NECTIN3: variants seen among roughly 807,000 people sequenced by gnomAD.
NECTIN3 encodes nectin-3.
In NECTIN3, 8 loss-of-function variants were observed where a neutral mutation model predicts 49.4. That is an observed-to-expected ratio of 0.16 (90% CI 0.10 to 0.29). The LOEUF is 0.29. Ranked by LOEUF, NECTIN3 falls within the 10% of genes least tolerant of loss-of-function variation. The probability of loss-of-function intolerance (pLI) is 1.00; values close to 1 mark genes in which losing one functional copy is unlikely to be tolerated. For synonymous variants in NECTIN3, 277 were observed against 241.1 expected (o/e 1.15, Z -1.38); for missense variants, 581 against 654.6 (o/e 0.89, Z 1.23).
chr3:111,155,789 C>T (rs189682636), intron 7 of NECTIN3, among the ~76,000 whole-genome samples: 7 of 152,156 alleles, frequency 4.6e-5, no homozygotes, highest in Admixed American at 4.6e-4. Context: ...ATTAAGGCTG[C>T]CCTAAATGGA....
At chr3:111,111,538 C>G (rs968403661) in intron 1 of NECTIN3, among the ~76,000 whole-genome samples, 1 of 152,154 alleles carries the variant, frequency 6.6e-6, no homozygotes, top group Non-Finnish European at 1.5e-5. Flanking sequence ...AAATTTACCC[C>G]AAAACATAAT....
intron 6 of NECTIN3, among the ~76,000 whole-genome samples, chr3:111,147,087 T>C (rs1172054108): frequency 6.6e-6 from 1 of 152,184 alleles, no homozygotes; most frequent in Admixed American, 6.5e-5. Flanking sequence ...TTGATAGACA[T>C]AGTCAAATAT....
At chr3:111,080,681 A>G (rs2031539319) in intron 1 of NECTIN3, among the ~76,000 whole-genome samples, 1 of 146,468 alleles carries the variant, frequency 6.8e-6, no homozygotes, top group African/African-American at 2.5e-5. Context: ...TGTCATGCAA[A>G]AAAAAAAAAA....
At chr3:111,179,622 C>A (rs1370119604) in intron 7 of NECTIN3, among the ~76,000 whole-genome samples, 1 of 152,012 alleles carries the variant, frequency 6.6e-6, no homozygotes, top group Non-Finnish European at 1.5e-5. Context: ...TGGCTGGGCG[C>A]GGTGGCTCAC....
At chr3:111,168,495 TATAA>T (rs2107525092) in intron 7 of NECTIN3, among the ~76,000 whole-genome samples, 1 of 152,310 alleles carries the variant, frequency 6.6e-6, no homozygotes, top group East Asian at 1.9e-4. Context: ...CACATATATA[TATAA>T]ATGTTTTTCT....
At chr3:111,090,640 A>G (rs567241048) in intron 1 of NECTIN3, among the ~76,000 whole-genome samples, 1 of 147,986 alleles carries the variant, frequency 6.8e-6, no homozygotes, top group South Asian at 2.2e-4. Flanking sequence ...TATACAGTAA[A>G]TATTTCTTTT....
intron 7 of NECTIN3, among the ~76,000 whole-genome samples, chr3:111,183,851 T>C (rs1261020578): frequency 2.0e-5 from 3 of 152,166 alleles, no homozygotes; most frequent in Non-Finnish European, 4.4e-5. Flanking sequence ...GCTTTCTTTA[T>C]GTTTACCATT....
intron 5 of NECTIN3, among the ~76,000 whole-genome samples, chr3:111,130,483 T>C (rs1206069744): frequency 1.3e-5 from 2 of 152,034 alleles, no homozygotes; most frequent in Non-Finnish European, 2.9e-5. Context: ...GACCAGTTAA[T>C]CTTTTTCATT....
Position 111,072,047 on chromosome 3 carries a change from G to C in NECTIN3, c.30G>C (p.Leu10=), listed in dbSNP as rs1476584535. The part of the protein sequence containing the change: MARTLRPSP[L]CPGGGKAQLS... ...CGCGGACCCTGCGGCCGTCCCCGCT[G>C]TGTCCTGGAGGCGGCAAAGCACAAC... The change falls in exon 1 of 6, where the codon CTG becomes CTC. Residue 10 remains leucine, a synonymous_variant. Coordinates refer to ENST00000485303, the MANE Select transcript of NECTIN3 (RefSeq NM_015480.3). 2 of 1,542,226 alleles carry C rather than the reference G, an allele frequency of 1.3e-6. No individual in the cohort carries two copies. Among genetic ancestry groups the C allele is most frequent in the Non-Finnish European group, 1.7e-6 (2 of 1,143,412 alleles).
intron 7 of NECTIN3, among the ~76,000 whole-genome samples, chr3:111,174,490 C>G (rs1221382234): frequency 1.3e-5 from 2 of 152,096 alleles, no homozygotes; most frequent in African/African-American, 4.8e-5. Flanking sequence ...TATCACTTTT[C>G]TAAAATCAGA....
Position 111,136,430 on chromosome 3 carries a change from T to A in NECTIN3, c.*2215T>A. On this transcript the variant is annotated 3_prime_UTR_variant, in exon 6 of 6. Coordinates refer to ENST00000485303, the MANE Select transcript of NECTIN3 (RefSeq NM_015480.3). ...CCACAAGTGAGTATTTGACATATTC[T>A]GTATCCTTAATCCAATCATTTGGCA... 1.0e-6 allele frequency: 1 copy of A among 984,268 alleles called. No individual in the cohort carries two copies. Among genetic ancestry groups the A allele is most frequent in the Non-Finnish European group, 1.2e-6 (1 of 829,038 alleles). 61.0% of individuals were successfully genotyped at this position (984,268 alleles called of 1,614,324 possible).
At chr3:111,164,745 T>C (rs1182788880) in intron 7 of NECTIN3, among the ~76,000 whole-genome samples, 3 of 152,216 alleles carry the variant, frequency 2.0e-5, no homozygotes, top group African/African-American at 7.2e-5. Context: ...ATCGTTGGAC[T>C]AGGGTCCACC....
intron 7 of NECTIN3, among the ~76,000 whole-genome samples, chr3:111,181,256 TATA>T (rs1365232739): frequency 3.9e-5 from 6 of 152,180 alleles, no homozygotes; most frequent in African/African-American, 1.4e-4. Flanking sequence ...TTTTGCTCAG[TATA>T]ATGTTTTTAA....
intron 1 of NECTIN3, among the ~76,000 whole-genome samples, chr3:111,073,784 AG>A (rs1312115500): frequency 6.6e-6 from 1 of 152,250 alleles, no homozygotes; most frequent in African/African-American, 2.4e-5. Context: ...GCTCTGTGGA[AG>A]ACTGAAGCCA....
intron 1 of NECTIN3, among the ~76,000 whole-genome samples, chr3:111,096,635 AG>A (rs1170101380): frequency 1.3e-5 from 2 of 152,308 alleles, no homozygotes; most frequent in East Asian, 1.9e-4. Context: ...TGCTGTATGC[AG>A]TCTAGGACTT....
At chr3:111,186,716 A>C (rs2035726520) in intron 7 of NECTIN3, among the ~76,000 whole-genome samples, 2 of 152,200 alleles carry the variant, frequency 1.3e-5, no homozygotes, top group Non-Finnish European at 2.9e-5. Context: ...TAGTATTAGC[A>C]CTTTAGAAAC....
intron 7 of NECTIN3, among the ~76,000 whole-genome samples, chr3:111,159,759 A>G (rs2035172729): frequency 6.6e-6 from 1 of 152,220 alleles, no homozygotes; most frequent in Admixed American, 6.5e-5. Context: ...TTTTTTGGTA[A>G]GCCAAATTGC....
chr3:111,099,419 G>T (rs1314404212), intron 1 of NECTIN3, among the ~76,000 whole-genome samples: 1 of 152,084 alleles, frequency 6.6e-6, no homozygotes, highest in Non-Finnish European at 1.5e-5. Context: ...AAATTACGTG[G>T]TCACTGTAGC....
At chr3:111,132,068 T>C (rs2034414172) in intron 5 of NECTIN3, among the ~76,000 whole-genome samples, 1 of 151,888 alleles carries the variant, frequency 6.6e-6, no homozygotes, top group Non-Finnish European at 1.5e-5. Context: ...TCTAATGCTG[T>C]GAAGTTGCAT....
Sources: gnomAD v4.1 joint callset for allele counts (sites outside exome capture counted in the v4.1 genomes callset) on GRCh38, gnomAD v4.1.1 for gene constraint, MANE v1.5 for transcripts, NCBI Gene and HGNC (gene_info 2026-07-23, HGNC 2026-07-21) for gene names.